The following SIMC1 variants were observed in gnomAD, a reference collection of about 807,000 sequenced individuals.
SIMC1 encodes the protein SUMO-interacting motif-containing protein 1.
Under a neutral mutation model 82.3 loss-of-function variants are expected in SIMC1, and 55 were observed. That is an observed-to-expected ratio of 0.67 (90% CI 0.54 to 0.84). The LOEUF is 0.84. SIMC1 is among the 40% of genes least tolerant of loss of function. SIMC1 has a pLI of 0.00. For synonymous variants in SIMC1, 353 were observed against 426.3 expected (o/e 0.83, Z 2.12); for missense variants, 915 against 1,107.2 (o/e 0.83, Z 2.46).
At chr5:176,314,314 A>C (rs751549197) in intron 5 of SIMC1, among the ~76,000 whole-genome samples, 3 of 151,936 alleles carry the variant, frequency 2.0e-5, no homozygotes, top group Non-Finnish European at 4.4e-5. Context: ...CTAATCATAA[A>C]CCCCTCCTGA....
rs757882555 is a variant in SIMC1 at position 176,290,877 on chromosome 5, T to C, written c.1353T>C (p.His451=). ...QGGLYNRPCL[H]RLKYFLRPPV... ...GGTTGTACAACAGACCATGCCTGCA[T>C]AGACTGAAGTACTTCTTACGTCCTC... is the stretch of plus-strand genomic sequence containing the variant. The change falls in exon 2 of 10, where the codon CAT becomes CAC. Residue 451 remains histidine, a synonymous_variant. Transcript: ENST00000429602. The C allele has an allele frequency of 1.2e-6, 2 of 1,613,020 alleles. No homozygotes were observed. The highest frequency in any genetic ancestry group is 4.5e-5 in the East Asian group (2 of 44,864).
Position 176,273,473 on chromosome 5 carries a change from G to C in SIMC1, c.130-16181G>C, listed in dbSNP as rs542188083. ...GACCAAAGGTAGATAAAACCACAAA[G>C]ATGGGGAGAAACCAGAGCAGAAAAG... is the stretch of plus-strand genomic sequence containing the variant. On this transcript the variant is annotated intron_variant, in intron 1 of 9. Coordinates refer to ENST00000429602, the MANE Select transcript of SIMC1 (RefSeq NM_001308195.2). Among the ~76,000 whole-genome samples, 246 of 152,162 alleles carry C rather than the reference G, an allele frequency of 1.6e-3. 1 individual carries two copies. The highest frequency in any genetic ancestry group is 5.2e-3 in the African/African-American group (216 of 41,512).
At chr5:176,282,007 T>C (rs868241362) in intron 1 of SIMC1, among the ~76,000 whole-genome samples, 2 of 152,208 alleles carry the variant, frequency 1.3e-5, no homozygotes, top group Non-Finnish European at 2.9e-5. Flanking sequence ...TGCTGTCTTT[T>C]TGTTTGTCTG....
intron 1 of SIMC1, among the ~76,000 whole-genome samples, chr5:176,273,278 T>G (rs1762526282): frequency 6.6e-6 from 1 of 152,154 alleles, no homozygotes; most frequent in Admixed American, 6.5e-5. Flanking sequence ...TTCCGCAATA[T>G]TCACTGTTCT....
chr5:176,285,147 A>G lies in SIMC1; in HGVS notation c.130-4507A>G, dbSNP rs556674445. Among the ~76,000 whole-genome samples the G allele has an allele frequency of 6.6e-5, 10 of 152,332 alleles. No homozygotes were observed. In the East Asian group the frequency reaches 1.2e-3, roughly 18 times the overall value. Reference sequence around the variant, plus strand: ...CCCTAACTCATTTTATGAGGCCAGCATCATCCTGATACCAAAGCCGGGCAG... The same window carrying G: ...CCCTAACTCATTTTATGAGGCCAGCGTCATCCTGATACCAAAGCCGGGCAG... On this transcript the variant is annotated intron_variant, in intron 1 of 9. Transcript: ENST00000429602.
At chr5:176,259,768 A>G (rs1581224251) in intron 1 of SIMC1, among the ~76,000 whole-genome samples, 1 of 151,088 alleles carries the variant, frequency 6.6e-6, no homozygotes, top group South Asian at 2.1e-4. Flanking sequence ...GCAAGACTCT[A>G]TCTCAAAAAT....
intron 7 of SIMC1, among the ~76,000 whole-genome samples, chr5:176,331,325 G>A (rs1028096543): frequency 5.0e-4 from 75 of 150,232 alleles, no homozygotes; most frequent in African/African-American, 1.6e-3. Flanking sequence ...AGCCGCGATC[G>A]CGCCACTGCA....
At chr5:176,294,575 G>A (rs1050578526) in intron 2 of SIMC1, among the ~76,000 whole-genome samples, 3 of 150,202 alleles carry the variant, frequency 2.0e-5, no homozygotes, top group African/African-American at 4.9e-5. Context: ...CACTGCACCC[G>A]TCCTCTTTTT....
At chr5:176,256,858 C>G (rs1020624486) in intron 1 of SIMC1, among the ~76,000 whole-genome samples, 2 of 152,110 alleles carry the variant, frequency 1.3e-5, no homozygotes, top group Admixed American at 6.5e-5. Context: ...TCTCCTGCCT[C>G]AAGTCTCCTG....
At position 176,277,508 on chromosome 5, in the gene SIMC1, C is replaced by T. The variant is rs1035191869; in HGVS notation, c.130-12146C>T. On this transcript the variant is annotated intron_variant, in intron 1 of 9. Transcript: ENST00000429602. ...TTGCCATTGCTTTTGGTGTTTTAGA[C>T]GTGAAGTCCTTGCCCATGCCTATGT... 1.3e-4 allele frequency among the ~76,000 whole-genome samples: 20 copies of T among 151,878 alleles called. No homozygotes were observed. The East Asian group carries it at 2.7e-3, about 20-fold the overall frequency.
intron 1 of SIMC1, among the ~76,000 whole-genome samples, chr5:176,260,666 A>C (rs918857427): frequency 3.9e-5 from 6 of 152,120 alleles, no homozygotes; most frequent in African/African-American, 1.4e-4. Flanking sequence ...GAGGATAAAG[A>C]GTAATATGTC....
intron 7 of SIMC1, among the ~76,000 whole-genome samples, chr5:176,330,595 T>G (rs1765605412): frequency 6.6e-6 from 1 of 152,126 alleles, no homozygotes; most frequent in Admixed American, 6.5e-5. Flanking sequence ...TGGAATAATT[T>G]GAGCTCCAAA....
At chr5:176,324,013 A>C (rs942702273) in intron 6 of SIMC1, among the ~76,000 whole-genome samples, 2 of 151,520 alleles carry the variant, frequency 1.3e-5, no homozygotes, top group African/African-American at 4.8e-5. Flanking sequence ...AAAAAAAAAA[A>C]ACACGTGTTA....
chr5:176,280,301 G>A (rs1388575736), intron 1 of SIMC1, among the ~76,000 whole-genome samples: 1 of 152,068 alleles, frequency 6.6e-6, no homozygotes, highest in Non-Finnish European at 1.5e-5. Flanking sequence ...TGCAACCCCT[G>A]CCTTTTTTTT....
At chr5:176,307,034 C>G (rs1190763237) in intron 4 of SIMC1, among the ~76,000 whole-genome samples, 1 of 152,028 alleles carries the variant, frequency 6.6e-6, no homozygotes, top group Non-Finnish European at 1.5e-5. Flanking sequence ...ATGGAAATGG[C>G]CAACAAACTT....
intron 4 of SIMC1, among the ~76,000 whole-genome samples, chr5:176,303,874 G>GTTGGA (rs1764152332): frequency 6.6e-6 from 1 of 152,096 alleles, no homozygotes; most frequent in Admixed American, 6.5e-5. Context: ...AAAGAATGAA[G>GTTGGA]TTGGACTCTG....
At chr5:176,305,782 G>C (rs1764328250) in intron 4 of SIMC1, among the ~76,000 whole-genome samples, 1 of 60,666 alleles carries the variant, frequency 1.6e-5, no homozygotes, top group Admixed American at 1.4e-4. Flanking sequence ...CACCCGGCCA[G>C]CCGCCCCGTC....
intron 1 of SIMC1, among the ~76,000 whole-genome samples, chr5:176,265,769 T>C (rs1385220317): frequency 6.6e-6 from 1 of 152,102 alleles, no homozygotes; most frequent in Non-Finnish European, 1.5e-5. Context: ...GCAAATTACT[T>C]AATTAGGAGT....
chr5:176,322,256 T>C lies in SIMC1; in HGVS notation c.1890-17T>C. ...AAAAAGAAAGAATAAACCTTTTCTT[T>C]CTTTTTTCCATTACAGGGATGTTAT... is the stretch of plus-strand genomic sequence containing the variant. On this transcript the variant is annotated splice_polypyrimidine_tract_variant and intron_variant, in intron 5 of 9. Transcript: ENST00000429602. The C allele has an allele frequency of 4.5e-6, 7 of 1,538,962 alleles. No individual in the cohort carries two copies. The highest frequency in any genetic ancestry group is 6.1e-6 in the Non-Finnish European group (7 of 1,143,422).
Sources: allele counts gnomAD v4.1 joint callset (sites outside exome capture counted in the v4.1 genomes callset), GRCh38; gene constraint gnomAD v4.1.1; transcripts MANE v1.5; gene names NCBI Gene and HGNC (gene_info 2026-07-23, HGNC 2026-07-21).